The following SLC5A4 variants were observed in gnomAD, a reference collection of about 807,000 sequenced individuals.
SLC5A4 encodes the protein probable glucose sensor protein SLC5A4.
In SLC5A4, 55 loss-of-function variants were observed where a neutral mutation model predicts 70.3. That is an observed-to-expected ratio of 0.78 (90% CI 0.63 to 0.98). The LOEUF (loss-of-function observed/expected upper bound fraction) is 0.98, where lower values mean the gene tolerates loss of function less well. Among genes scored for constraint, SLC5A4 ranks in the 50% least tolerant of loss-of-function variants. SLC5A4 has a pLI of 0.00. For missense variants in SLC5A4, 735 were observed against 839.2 expected (o/e 0.88, Z 1.53); for synonymous variants, 268 against 305.7 (o/e 0.88, Z 1.29).
chr22:32,329,223 A>G, the SLC5A4 span, among the ~76,000 whole-genome samples: 1 of 151,718 alleles, frequency 6.6e-6, no homozygotes, highest in African/African-American at 2.4e-5. Context: ...GGCAGAGAGG[A>G]CCCCAGGATG....
At chr22:32,308,249 G>A in the SLC5A4 span, among the ~76,000 whole-genome samples, 3,871 of 152,282 alleles carry the variant, frequency 0.025, 170 homozygotes, top group African/African-American at 0.088. Flanking sequence ...GTACACCCAA[G>A]TTGAAAAATT....
At chr22:32,284,725 G>A in the SLC5A4 span, 8 of 152,154 alleles carry the variant, frequency 5.3e-5, no homozygotes, top group African/African-American at 1.7e-4. Context: ...TTCACCTTTC[G>A]ATGAAAGTGG....
the SLC5A4 span, among the ~76,000 whole-genome samples, chr22:32,305,214 CTTTT>C: frequency 6.6e-6 from 1 of 151,542 alleles, no homozygotes; most frequent in South Asian, 2.1e-4. Flanking sequence ...TTTCCTGTAT[CTTTT>C]TTTTATGGGT....
At chr22:32,272,298 G>A in the SLC5A4 span, 9 of 814,366 alleles carry the variant, frequency 1.1e-5, no homozygotes, top group African/African-American at 1.2e-4. Flanking sequence ...TTACGAGAAG[G>A]AGCAGAAGGG....
At chr22:32,246,062 A>G (rs2145691647) in intron 5 of SLC5A4, among the ~76,000 whole-genome samples, 1 of 152,272 alleles carries the variant, frequency 6.6e-6, no homozygotes, top group South Asian at 2.1e-4. Context: ...TGCACGGCAC[A>G]TTTTCTGTAC....
chr22:32,348,569 T>C, the SLC5A4 span, among the ~76,000 whole-genome samples: 1 of 152,234 alleles, frequency 6.6e-6, no homozygotes, highest in Non-Finnish European at 1.5e-5. Context: ...GAACTCAATA[T>C]GAAACCAAAT....
At chr22:32,222,431 T>A (rs1925139842) in intron 13 of SLC5A4, among the ~76,000 whole-genome samples, 1 of 152,222 alleles carries the variant, frequency 6.6e-6, no homozygotes, top group Non-Finnish European at 1.5e-5. Context: ...ATAACCATGA[T>A]ATTTATCAGT....
the SLC5A4 span, among the ~76,000 whole-genome samples, chr22:32,290,586 G>A: frequency 0.48 from 73,488 of 151,914 alleles, 17,911 homozygotes; most frequent in Admixed American, 0.52. Context: ...CTTTTGGGTT[G>A]CTGTGACAAA....
At chr22:32,278,011 G>GCAGA in the SLC5A4 span, among the ~76,000 whole-genome samples, 117,148 of 151,682 alleles carry the variant, frequency 0.77, 46,043 homozygotes, top group African/African-American at 0.93. Context: ...GGAAATGAAA[G>GCAGA]CAGACAGCTT....
intron 8 of SLC5A4, among the ~76,000 whole-genome samples, chr22:32,233,346 T>G (rs1251231850): frequency 4.6e-5 from 7 of 152,144 alleles, no homozygotes; most frequent in African/African-American, 7.2e-5. Context: ...GTCATTAAGT[T>G]AAGTGAAATA....
the SLC5A4 span, among the ~76,000 whole-genome samples, chr22:32,334,084 A>AAC: frequency 6.6e-4 from 98 of 149,140 alleles, 2 homozygotes; most frequent in East Asian, 0.013. Context: ...TATGCCAGAC[A>AAC]ACACACACAC....
chr22:32,251,149 C>CAAAAAAAAAAAAAA lies in SLC5A4; in HGVS notation c.312+607_312+620dup, dbSNP rs1169115054. On this transcript the variant is annotated intron_variant, in intron 3 of 14. Coordinates refer to ENST00000266086, the MANE Select transcript of SLC5A4 (RefSeq NM_014227.3). ...AAGAAGACAACAACAAACAAATAAG[C>CAAAAAAAAAAAAAA]AAAAAAAAAAAAAAAAAAAAAAAAA... Among the ~76,000 whole-genome samples, 24 of 22,770 alleles carry CAAAAAAAAAAAAAA rather than the reference C, an allele frequency of 1.1e-3. 1 individual carries two copies. The highest frequency in any genetic ancestry group is 2.1e-3 in the Admixed American group (3 of 1,424). 14.9% of individuals were successfully genotyped at this position (22,770 alleles called of 152,430 possible). A position where few individuals can be genotyped will look rare whatever the true frequency, so the allele number is the denominator to read the frequency against.
intron 14 of SLC5A4, among the ~76,000 whole-genome samples, chr22:32,219,288 A>T (rs1177285403): frequency 6.6e-6 from 1 of 152,202 alleles, no homozygotes; most frequent in African/African-American, 2.4e-5. Context: ...AAAATCATAT[A>T]GGCATGAACC....
At chr22:32,270,024 C>T in the SLC5A4 span, 25 of 492,846 alleles carry the variant, frequency 5.1e-5, no homozygotes, top group South Asian at 4.0e-4. Context: ...AGCCCCCGGC[C>T]AGTGCTATCT....
At chr22:32,333,203 C>CCCG in the SLC5A4 span, among the ~76,000 whole-genome samples, 3 of 149,002 alleles carry the variant, frequency 2.0e-5, no homozygotes, top group East Asian at 6.3e-4. Flanking sequence ...GGCACCCCCC[C>CCCG]CCCAGAAGAC....
At chr22:32,237,771 A>T (rs985357821) in intron 6 of SLC5A4, among the ~76,000 whole-genome samples, 2 of 152,174 alleles carry the variant, frequency 1.3e-5, no homozygotes, top group Non-Finnish European at 2.9e-5. Context: ...GTTTTGCTGT[A>T]GTGTTGAACA....
chr22:32,329,259 C>T, the SLC5A4 span, among the ~76,000 whole-genome samples: 2 of 152,118 alleles, frequency 1.3e-5, no homozygotes, highest in Admixed American at 6.5e-5. Flanking sequence ...AGCCTTAGCT[C>T]GAAGTCACCA....
intron 5 of SLC5A4, among the ~76,000 whole-genome samples, chr22:32,242,524 A>G (rs1237467488): frequency 1.3e-5 from 2 of 152,156 alleles, no homozygotes; most frequent in South Asian, 4.1e-4. Flanking sequence ...CCTGACAAGC[A>G]TGGCGAAACC....
chr22:32,241,446 G>A (rs931904982), intron 5 of SLC5A4, among the ~76,000 whole-genome samples: 3 of 152,180 alleles, frequency 2.0e-5, no homozygotes, highest in Non-Finnish European at 4.4e-5. Context: ...CTTATGGTGG[G>A]GATGGAAGAG....
Sources: allele counts gnomAD v4.1 joint callset (sites outside exome capture counted in the v4.1 genomes callset), GRCh38; gene constraint gnomAD v4.1.1; transcripts MANE v1.5; gene names NCBI Gene and HGNC (gene_info 2026-07-23, HGNC 2026-07-21).